Variants in DNER observed in about 807,000 individuals in gnomAD.
DNER encodes delta/notch like EGF repeat containing, also known as delta and Notch-like epidermal growth factor-related receptor.
In DNER, 33 loss-of-function variants were observed where a neutral mutation model predicts 78.2. The ratio of observed to expected loss-of-function variants is 0.42; its 90% CI spans 0.32 to 0.56. The LOEUF is 0.56. Among genes scored for constraint, DNER ranks in the 20% least tolerant of loss-of-function variants. The pLI, the probability that DNER is intolerant of heterozygous loss-of-function variation, is 0.11. For synonymous variants in DNER, 417 were observed against 384.8 expected, an observed-to-expected ratio of 1.08 and a Z score of -0.98; for missense variants, 918 against 975.3, an observed-to-expected ratio of 0.94 and a Z score of 0.78.
intron 11 of DNER, among the ~76,000 whole-genome samples, chr2:229,381,684 C>T (rs937625837): frequency 1.3e-5 from 2 of 152,192 alleles, no homozygotes; most frequent in African/African-American, 4.8e-5. Context: ...GGACGGAGCC[C>T]ACCGCAGCAC....
chr2:229,566,013 A>G (rs1026445881), intron 4 of DNER, among the ~76,000 whole-genome samples: 2 of 152,156 alleles, frequency 1.3e-5, no homozygotes, highest in Non-Finnish European at 2.9e-5. Flanking sequence ...TTAATACTCA[A>G]TGAATGCCTC....
intron 1 of DNER, among the ~76,000 whole-genome samples, chr2:229,633,196 TA>T (rs1403488717): frequency 3.3e-5 from 5 of 152,208 alleles, no homozygotes; most frequent in Non-Finnish European, 7.3e-5. Context: ...TGACACTAGA[TA>T]ATGGTTGAGC....
rs980943214 is a variant in DNER at position 229,416,056 on chromosome 2, T to G, written c.1609+2052A>C. Among the ~76,000 whole-genome samples the G allele has an allele frequency of 3.9e-4, 60 of 152,312 alleles. 1 individual carries two copies. Among genetic ancestry groups the G allele is most frequent in the Middle Eastern group, 3.4e-3 (1 of 294 alleles). On this transcript the variant is annotated intron_variant, in intron 9 of 12. Transcript: ENST00000341772. Reference sequence around the variant, plus strand: ...AGACTTTCTTCACCTCACAGACACCTCCTTCTAGGAGTTAGTTAATTCTGC... The same window carrying G: ...AGACTTTCTTCACCTCACAGACACCGCCTTCTAGGAGTTAGTTAATTCTGC...
At chr2:229,505,177 A>AGAGTGTGTGTGT (rs1553536168) in intron 6 of DNER, among the ~76,000 whole-genome samples, 1 of 126,448 alleles carries the variant, frequency 7.9e-6, no homozygotes, top group Non-Finnish European at 1.7e-5. Flanking sequence ...GTGTTGCTGC[A>AGAGTGTGTGTGT]GTGTGTGTGT....
chr2:229,481,244 C>A (rs540200436), intron 6 of DNER, among the ~76,000 whole-genome samples: 6 of 152,306 alleles, frequency 3.9e-5, no homozygotes, highest in African/African-American at 1.2e-4. Context: ...TCATTCACAC[C>A]AGACTCACCA....
chr2:229,674,082 G>C (rs1164467750), intron 1 of DNER, among the ~76,000 whole-genome samples: 2 of 152,212 alleles, frequency 1.3e-5, no homozygotes, highest in African/African-American at 2.4e-5. Context: ...AGAATAGCTG[G>C]TCTCCTCCCC....
intron 8 of DNER, among the ~76,000 whole-genome samples, chr2:229,435,136 C>A (rs184246492): frequency 6.0e-4 from 92 of 152,282 alleles, no homozygotes; most frequent in African/African-American, 2.1e-3. Flanking sequence ...GAAGAAGCAG[C>A]TTTAAAGAGA....
chr2:229,450,458 T>C (rs546582191), intron 7 of DNER, among the ~76,000 whole-genome samples: 1 of 152,322 alleles, frequency 6.6e-6, no homozygotes, highest in South Asian at 2.1e-4. Flanking sequence ...ATGGGTTAAA[T>C]TGCGTCCCTC....
chr2:229,424,089 G>A (rs1299687652), intron 8 of DNER, among the ~76,000 whole-genome samples: 1 of 152,180 alleles, frequency 6.6e-6, no homozygotes, highest in Non-Finnish European at 1.5e-5. Flanking sequence ...TTGATTCGAT[G>A]CACTTTTAAA....
chr2:229,661,482 A>G (rs893662491), intron 1 of DNER, among the ~76,000 whole-genome samples: 17 of 152,218 alleles, frequency 1.1e-4, no homozygotes, highest in African/African-American at 3.9e-4. Context: ...ATTAGGAATT[A>G]ACCTCCTTAT....
intron 5 of DNER, among the ~76,000 whole-genome samples, chr2:229,546,409 T>A (rs528640713): frequency 9.2e-5 from 14 of 151,746 alleles, no homozygotes; most frequent in Admixed American, 8.5e-4. Context: ...CAACAAGGAA[T>A]TAGAAAATAG....
At chr2:229,636,470 G>A (rs1407548175) in intron 1 of DNER, among the ~76,000 whole-genome samples, 1 of 152,216 alleles carries the variant, frequency 6.6e-6, no homozygotes, top group Non-Finnish European at 1.5e-5. Context: ...AAGACAGAGT[G>A]CATGAGAGAG....
intron 8 of DNER, among the ~76,000 whole-genome samples, chr2:229,423,725 A>G (rs911684630): frequency 3.3e-5 from 5 of 152,220 alleles, no homozygotes; most frequent in Admixed American, 2.6e-4. Context: ...ACTTCACAAG[A>G]ACAACAGCTC....
intron 6 of DNER, among the ~76,000 whole-genome samples, chr2:229,505,609 G>C (rs753980841): frequency 6.6e-6 from 1 of 152,076 alleles, no homozygotes; most frequent in African/African-American, 2.4e-5. Flanking sequence ...GAGCAGAAAT[G>C]AATTATTTTA....
chr2:229,409,418 T>C lies in DNER; in HGVS notation c.1610-2073A>G, dbSNP rs114284429. 4.9e-3 allele frequency among the ~76,000 whole-genome samples: 753 copies of C among 152,356 alleles called. 7 individuals carry two copies. The highest frequency in any genetic ancestry group is 9.5e-3 in the Non-Finnish European group (646 of 68,030). ...CCTGAAGTCAAAGAAATCAAATGAT[T>C]GTCACTGAGTTTCTAGTAATACATT... is the stretch of plus-strand genomic sequence containing the variant. On this transcript the variant is annotated intron_variant, in intron 9 of 12. Coordinates refer to ENST00000341772, the MANE Select transcript of DNER (RefSeq NM_139072.4).
intron 5 of DNER, among the ~76,000 whole-genome samples, chr2:229,542,500 C>A (rs1249502909): frequency 6.6e-6 from 1 of 151,924 alleles, no homozygotes; most frequent in Non-Finnish European, 1.5e-5. Flanking sequence ...GTGGAAATAA[C>A]AGAATTGCTT....
At chr2:229,587,722 G>A (rs368482235) in intron 3 of DNER, among the ~76,000 whole-genome samples, 6 of 152,086 alleles carry the variant, frequency 3.9e-5, no homozygotes, top group Admixed American at 1.3e-4. Context: ...GTTGTCAGCC[G>A]GCCTGGGGCA....
rs141811504 is a variant in DNER at position 229,367,033 on chromosome 2, C to T, written c.1942G>A (p.Val648Met). 326 of 1,614,010 alleles carry T rather than the reference C, an allele frequency of 2.0e-4. 1 individual carries two copies. The highest frequency in any genetic ancestry group is 2.5e-4 in the Non-Finnish European group (297 of 1,179,984). Residue 648 changes from valine (V) to methionine (M), a missense_variant, in exon 12 of 13, where the codon GTG becomes ATG. Coordinates refer to ENST00000341772, the MANE Select transcript of DNER (RefSeq NM_139072.4). ...SLYIIIGALC[V>M]AFILMLIILI... ...ATGATCAGCATAAGGATGAAGGCCA[C>T]GCAGAGGGCTCCAATGATGATGTAG...
At chr2:229,493,556 G>A (rs576501911) in intron 6 of DNER, among the ~76,000 whole-genome samples, 3 of 152,290 alleles carry the variant, frequency 2.0e-5, no homozygotes, top group Admixed American at 6.5e-5. Context: ...CACATGTGCT[G>A]TAGGGAGAAG....
Sources: allele counts gnomAD v4.1 joint callset (sites outside exome capture counted in the v4.1 genomes callset), GRCh38; gene constraint gnomAD v4.1.1; transcripts MANE v1.5; gene names NCBI Gene and HGNC (gene_info 2026-07-23, HGNC 2026-07-21).